Variants in COL5A2 observed in about 807,000 individuals in gnomAD.
COL5A2 encodes the protein collagen type V alpha 2 chain, also known as collagen alpha-2(V) chain.
In COL5A2, 23 loss-of-function variants were observed where a neutral mutation model predicts 208.2. The ratio of observed to expected loss-of-function variants is 0.11; its 90% CI spans 0.08 to 0.16. The LOEUF (loss-of-function observed/expected upper bound fraction) is 0.16. Among genes scored for constraint, COL5A2 ranks in the 10% least tolerant of loss-of-function variants. The pLI is 1.00. For missense variants in COL5A2, 1,590 were observed against 1,956.4 expected, an observed-to-expected ratio of 0.81 and a Z score of 3.53; for synonymous variants, 625 against 628.5, an observed-to-expected ratio of 0.99 and a Z score of 0.08.
chr2:189,420,170 T>C, the COL5A2 span, among the ~76,000 whole-genome samples: 2 of 152,202 alleles, frequency 1.3e-5, no homozygotes, highest in Non-Finnish European at 2.9e-5. Flanking sequence ...CTTTGGCTAA[T>C]GCTGTCACAC....
the COL5A2 span, among the ~76,000 whole-genome samples, chr2:189,409,121 C>T: frequency 2.0e-5 from 3 of 150,464 alleles, no homozygotes; most frequent in Non-Finnish European, 4.4e-5. Context: ...CAGAAAATTA[C>T]ACTCACAAAA....
At chr2:189,413,632 G>A in the COL5A2 span, among the ~76,000 whole-genome samples, 1 of 151,946 alleles carries the variant, frequency 6.6e-6, no homozygotes, top group Non-Finnish European at 1.5e-5. Flanking sequence ...TGTTAGGGAG[G>A]GGCCGGGTTC....
Position 189,050,639 on chromosome 2 carries a change from C to T in COL5A2, c.2969G>A (p.Gly990Glu), listed in dbSNP as rs1263939184. 1.3e-6 allele frequency: 2 copies of T among 1,552,446 alleles called. No individual in the cohort carries two copies. Among genetic ancestry groups the T allele is most frequent in the African/African-American group, 1.4e-5 (1 of 73,066 alleles). ...DGPPGPAGTTGQRGIVGMPGQ... is the reference protein window; with the variant it reads ...DGPPGPAGTTEQRGIVGMPGQ... Reference sequence around the variant, plus strand: ...AGGCATGCCAACAATTCCTCTCTGCCCGGTCGTTCCAGCTGGACCAGGGGG... The same window carrying T: ...AGGCATGCCAACAATTCCTCTCTGCTCGGTCGTTCCAGCTGGACCAGGGGG... Residue 990 changes from glycine to glutamate, a missense_variant, in exon 43 of 54, where the codon GGG becomes GAG. Coordinates refer to ENST00000374866, the MANE Select transcript of COL5A2 (RefSeq NM_000393.5).
intron 10 of COL5A2, 47 bp from the exon 11 acceptor site, chr2:189,085,260 C>CT: frequency 2.8e-6 from 4 of 1,446,352 alleles, no homozygotes; most frequent in Non-Finnish European, 3.8e-6. Flanking sequence ...TTTACCTTTA[C>CT]TTGCCAGTAA....
chr2:189,169,569 A>G (rs901015297), intron 1 of COL5A2, among the ~76,000 whole-genome samples: 1 of 152,238 alleles, frequency 6.6e-6, no homozygotes, highest in Non-Finnish European at 1.5e-5. Context: ...TCATAGTAGA[A>G]TAAAATATAA....
the COL5A2 span, among the ~76,000 whole-genome samples, chr2:189,340,036 G>A: frequency 2.0e-5 from 3 of 152,124 alleles, no homozygotes; most frequent in Non-Finnish European, 4.4e-5. Context: ...CAGTCTTTCT[G>A]ACTGCTTCAT....
chr2:189,080,673 C>G (rs536906314), intron 13 of COL5A2, among the ~76,000 whole-genome samples: 1 of 152,096 alleles, frequency 6.6e-6, no homozygotes, highest in African/African-American at 2.4e-5. Context: ...ACAGGAATTG[C>G]CTACCTTTTC....
At chr2:189,117,091 G>A (rs1687406385) in intron 1 of COL5A2, among the ~76,000 whole-genome samples, 1 of 126,088 alleles carries the variant, frequency 7.9e-6, no homozygotes, top group African/African-American at 2.6e-5. Context: ...AAAATAGAAA[G>A]GAAAAACTCT....
chr2:189,188,860 C>A (rs1688888365), intron 1 of COL5A2, among the ~76,000 whole-genome samples: 1 of 152,160 alleles, frequency 6.6e-6, no homozygotes, highest in Non-Finnish European at 1.5e-5. Flanking sequence ...ATAGAGAGGG[C>A]AGCACAGGGC....
chr2:189,326,113 A>G, the COL5A2 span, among the ~76,000 whole-genome samples: 17 of 151,252 alleles, frequency 1.1e-4, no homozygotes, highest in East Asian at 3.9e-4. Flanking sequence ...AAAAAAAAAA[A>G]AAGAAGAAGA....
intron 1 of COL5A2, among the ~76,000 whole-genome samples, chr2:189,198,717 G>T (rs770484530): frequency 5.2e-4 from 45 of 86,112 alleles, no homozygotes; most frequent in Non-Finnish European, 1.2e-3. Flanking sequence ...CTCTGTACCT[G>T]CCCCTGTAAA....
intron 18 of COL5A2, among the ~76,000 whole-genome samples, chr2:189,070,943 A>C (rs1230361376): frequency 6.6e-6 from 1 of 152,212 alleles, no homozygotes; most frequent in East Asian, 1.9e-4. Context: ...CGGCATCCCC[A>C]TAGCACAGTG....
At position 189,039,324 on chromosome 2, in the gene COL5A2, G is replaced by C. The variant is rs751238402; in HGVS notation, c.3873C>G (p.His1291Gln). Reference sequence around the variant, plus strand: ...TTAGGTCATCACACGTGCGGGCTGGGTGCTTTTTCGAGCCATCGGGGCTGC... The same window carrying C: ...TTAGGTCATCACACGTGCGGGCTGGCTGCTTTTTCGAGCCATCGGGGCTGC... Reference protein sequence around the residue: ...TMRSPDGSKKHPARTCDDLKL... With the variant: ...TMRSPDGSKKQPARTCDDLKL... The change falls in exon 51 of 54, where the codon CAC becomes CAG. Residue 1291 changes from histidine (H) to glutamine (Q), a missense_variant. By Grantham distance (24) the His-to-Gln change is conservative (BLOSUM62 0). Coordinates refer to ENST00000374866, the MANE Select transcript of COL5A2 (RefSeq NM_000393.5). The C allele has an allele frequency of 1.2e-6, 2 of 1,614,002 alleles. No individual in the cohort carries two copies. The highest frequency in any genetic ancestry group is 1.7e-5 in the Admixed American group (1 of 60,008).
At chr2:189,060,466 T>C (rs1277041274) in intron 31 of COL5A2, among the ~76,000 whole-genome samples, 1 of 152,194 alleles carries the variant, frequency 6.6e-6, no homozygotes, top group African/African-American at 2.4e-5. Flanking sequence ...TTATATAAAG[T>C]GGTTAAGAAC....
intron 1 of COL5A2, among the ~76,000 whole-genome samples, chr2:189,201,493 A>C (rs1689067619): frequency 6.6e-6 from 1 of 152,070 alleles, no homozygotes; most frequent in Admixed American, 6.5e-5. Context: ...CACGGTACTA[A>C]CAAATATCTA....
At chr2:189,200,852 A>G (rs1689060145) in intron 1 of COL5A2, among the ~76,000 whole-genome samples, 1 of 152,050 alleles carries the variant, frequency 6.6e-6, no homozygotes, top group Admixed American at 6.6e-5. Flanking sequence ...ATGTCAATCA[A>G]AAATTCTTTC....
the COL5A2 span, among the ~76,000 whole-genome samples, chr2:189,299,116 T>C: frequency 6.6e-6 from 1 of 152,190 alleles, no homozygotes; most frequent in Non-Finnish European, 1.5e-5. Context: ...AAAATAAATA[T>C]TGTATTAAAC....
the COL5A2 span, among the ~76,000 whole-genome samples, chr2:189,232,932 A>G: frequency 6.6e-6 from 1 of 151,710 alleles, no homozygotes; most frequent in Admixed American, 6.6e-5. Context: ...GGGTGGAATC[A>G]CCCCTGAGAA....
Position 189,092,372 on chromosome 2 carries a change from G to T in COL5A2, c.505C>A (p.Gln169Lys). 1.9e-6 allele frequency: 3 copies of T among 1,608,870 alleles called. No individual in the cohort carries two copies. In the South Asian group the frequency reaches 3.3e-5, roughly 18 times the overall value. Residue 169 changes from glutamine (Q) to lysine (K), a missense_variant, in exon 7 of 54, where the codon CAA becomes AAA. Coordinates refer to ENST00000374866, the MANE Select transcript of COL5A2 (RefSeq NM_000393.5). ...GIDGEPGVPG[Q>K]PGAPGPPGHP... ...CCAGGAGGTCCTGGAGCACCAGGTTGACCAGGAACACCTGGTTCTCCATCA... is the reference window on the plus strand; with the variant it reads ...CCAGGAGGTCCTGGAGCACCAGGTTTACCAGGAACACCTGGTTCTCCATCA...
Sources: gnomAD v4.1 joint callset for allele counts (sites outside exome capture counted in the v4.1 genomes callset) on GRCh38, gnomAD v4.1.1 for gene constraint, MANE v1.5 for transcripts, NCBI Gene and HGNC (gene_info 2026-07-23, HGNC 2026-07-21) for gene names.